ARHGAP26: variants seen among roughly 807,000 people sequenced by gnomAD.
ARHGAP26 encodes Rho GTPase activating protein 26, also known as rho GTPase-activating protein 26.
ARHGAP26 carries 38 observed loss-of-function variants against 104.8 expected under a neutral mutation model. That is an observed-to-expected ratio of 0.36 (90% CI 0.28 to 0.48). ARHGAP26 has a LOEUF of 0.48. ARHGAP26 is among the 20% of genes least tolerant of loss of function. ARHGAP26 has a pLI of 0.99. For missense variants in ARHGAP26, 704 were observed against 947.9 expected (o/e 0.74, Z 3.38); for synonymous variants, 341 against 340.0 (o/e 1.00, Z -0.03).
At chr5:143,105,571 G>T (rs1562435050) in intron 17 of ARHGAP26, among the ~76,000 whole-genome samples, 1 of 152,118 alleles carries the variant, frequency 6.6e-6, no homozygotes, top group Non-Finnish European at 1.5e-5. Flanking sequence ...TAAGGGGTAT[G>T]CATCCGGGTA....
intron 20 of ARHGAP26, among the ~76,000 whole-genome samples, chr5:143,195,506 A>G (rs1281583925): frequency 2.0e-5 from 3 of 152,196 alleles, no homozygotes; most frequent in Non-Finnish European, 4.4e-5. Flanking sequence ...CTGTGTTGTT[A>G]ACATGTTGTG....
chr5:143,193,224 G>A (rs1806202773), intron 20 of ARHGAP26, among the ~76,000 whole-genome samples: 1 of 144,018 alleles, frequency 6.9e-6, no homozygotes, highest in Admixed American at 7.0e-5. Flanking sequence ...AGGTATTACA[G>A]TGCTTATTTT....
intron 7 of ARHGAP26, among the ~76,000 whole-genome samples, chr5:142,902,663 T>C (rs1396848364): frequency 6.6e-6 from 1 of 152,256 alleles, no homozygotes; most frequent in Non-Finnish European, 1.5e-5. Flanking sequence ...TTATTTTCTT[T>C]GTCTCTAGGT....
chr5:142,963,185 T>TGTATATATATATACATAC (rs1770621308), intron 11 of ARHGAP26, among the ~76,000 whole-genome samples: 1 of 108,120 alleles, frequency 9.2e-6, no homozygotes. Context: ...TATATATATA[T>TGTATATATATATACATAC]ATATATATAT....
chr5:143,029,131 G>C (rs1781486336), intron 12 of ARHGAP26, among the ~76,000 whole-genome samples: 1 of 152,170 alleles, frequency 6.6e-6, no homozygotes, highest in Non-Finnish European at 1.5e-5. Flanking sequence ...CCCTCTGTGT[G>C]TGTGAAAATT....
intron 11 of ARHGAP26, among the ~76,000 whole-genome samples, chr5:142,951,213 C>T (rs1768337306): frequency 6.6e-6 from 1 of 152,138 alleles, no homozygotes; most frequent in South Asian, 2.1e-4. Context: ...GCATGTACCA[C>T]CACGCCCAGC....
intron 12 of ARHGAP26, among the ~76,000 whole-genome samples, chr5:143,023,976 A>G (rs1401693009): frequency 6.6e-6 from 1 of 152,186 alleles, no homozygotes; most frequent in Non-Finnish European, 1.5e-5. Context: ...GCGAGGTGGT[A>G]TAATTCTAGC....
chr5:143,057,282 G>A (rs1209720067), intron 16 of ARHGAP26, among the ~76,000 whole-genome samples: 1 of 152,158 alleles, frequency 6.6e-6, no homozygotes, highest in Non-Finnish European at 1.5e-5. Context: ...CTTTACAAGT[G>A]CATAAAGTTC....
intron 12 of ARHGAP26, among the ~76,000 whole-genome samples, chr5:143,023,669 C>A (rs1172858778): frequency 1.3e-5 from 2 of 152,172 alleles, no homozygotes; most frequent in Non-Finnish European, 2.9e-5. Flanking sequence ...TGGTCGGTGG[C>A]TTATAAATAG....
intron 1 of ARHGAP26, among the ~76,000 whole-genome samples, chr5:142,854,727 G>A (rs1016073383): frequency 3.3e-5 from 5 of 152,206 alleles, no homozygotes; most frequent in African/African-American, 9.7e-5. Flanking sequence ...GTAGACCCTG[G>A]AAATGCAGGG....
At chr5:142,995,296 A>G (rs1286738385) in intron 11 of ARHGAP26, among the ~76,000 whole-genome samples, 2 of 152,258 alleles carry the variant, frequency 1.3e-5, no homozygotes, top group Admixed American at 1.3e-4. Context: ...TAGAATCTAC[A>G]AGGAACTTAA....
chr5:142,812,879 A>T (rs943488858), intron 1 of ARHGAP26, among the ~76,000 whole-genome samples: 1 of 151,438 alleles, frequency 6.6e-6, no homozygotes, highest in Non-Finnish European at 1.5e-5. Context: ...GCAATCAATT[A>T]TCTGTGGGAG....
chr5:142,883,416 G>A (rs1389963737), intron 4 of ARHGAP26, among the ~76,000 whole-genome samples: 1 of 152,232 alleles, frequency 6.6e-6, no homozygotes, highest in Admixed American at 6.5e-5. Context: ...AAGGAGTAAT[G>A]TGTCCTCAGG....
chr5:142,856,516 G>T (rs1320405003), intron 1 of ARHGAP26, among the ~76,000 whole-genome samples: 1 of 152,218 alleles, frequency 6.6e-6, no homozygotes, highest in African/African-American at 2.4e-5. Flanking sequence ...TAAGGCCCAG[G>T]CTCCCTAAGG....
chr5:143,148,293 C>A (rs1459037807), intron 20 of ARHGAP26, among the ~76,000 whole-genome samples: 1 of 152,144 alleles, frequency 6.6e-6, no homozygotes, highest in African/African-American at 2.4e-5. Context: ...ATGTCGGTAA[C>A]CTTTTCCTGC....
At chr5:142,819,695 T>C (rs1765754378) in intron 1 of ARHGAP26, among the ~76,000 whole-genome samples, 1 of 152,226 alleles carries the variant, frequency 6.6e-6, no homozygotes, top group Admixed American at 6.5e-5. Flanking sequence ...CTGATAATTA[T>C]ATGCTGTATT....
At chr5:142,963,939 A>G (rs2152677380) in intron 11 of ARHGAP26, among the ~76,000 whole-genome samples, 1 of 152,394 alleles carries the variant, frequency 6.6e-6, no homozygotes, top group African/African-American at 2.4e-5. Context: ...AAGATTAAAA[A>G]GTAACCAGAA....
chr5:142,903,441 T>C lies in ARHGAP26; in HGVS notation c.703-99T>C, dbSNP rs1760664682. On this transcript the variant is annotated intron_variant, in intron 7 of 22. Transcript: ENST00000645722. The stretch of plus-strand genomic sequence containing the variant: ...CCAGTTCCTGGAAGGTTGAATGTCC[T>C]TTATCTCATTTTAGATCTAAGGATT... 5 of 1,356,258 alleles carry C rather than the reference T, an allele frequency of 3.7e-6. No individual in the cohort carries two copies. The East Asian group carries it at 1.2e-4, about 33-fold the overall frequency. 84.0% of individuals were successfully genotyped at this position (1,356,258 alleles called of 1,614,324 possible). A position where few individuals can be genotyped will look rare whatever the true frequency, so the allele number is the denominator to read the frequency against.
intron 20 of ARHGAP26, among the ~76,000 whole-genome samples, chr5:143,153,463 G>C (rs1800084665): frequency 6.6e-6 from 1 of 152,168 alleles, no homozygotes; most frequent in Non-Finnish European, 1.5e-5. Context: ...GTGACCAGTG[G>C]GGCATCATGC....
Sources: gnomAD v4.1 joint callset for allele counts (sites outside exome capture counted in the v4.1 genomes callset) on GRCh38, gnomAD v4.1.1 for gene constraint, MANE v1.5 for transcripts, NCBI Gene and HGNC (gene_info 2026-07-23, HGNC 2026-07-21) for gene names.